PALS2: variants seen among roughly 807,000 people sequenced by gnomAD.
PALS2 encodes the protein protein PALS2.
In PALS2, 27 loss-of-function variants were observed where a neutral mutation model predicts 61.6. The ratio of observed to expected loss-of-function variants is 0.44; its 90% confidence interval spans 0.32 to 0.60. The LOEUF (loss-of-function observed/expected upper bound fraction) is 0.60. Among genes scored for constraint, PALS2 ranks in the 20% least tolerant of loss-of-function variants. The probability of loss-of-function intolerance (pLI) is 0.05; values close to 1 mark genes in which losing one functional copy is unlikely to be tolerated. For synonymous variants in PALS2, 236 were observed against 218.6 expected, an observed-to-expected ratio of 1.08 and a Z score of -0.70; for missense variants, 554 against 639.4, an observed-to-expected ratio of 0.87 and a Z score of 1.44.
intron 1 of PALS2, among the ~76,000 whole-genome samples, chr7:24,578,464 G>T (rs949642437): frequency 1.3e-5 from 2 of 152,320 alleles, no homozygotes; most frequent in Admixed American, 6.5e-5. Flanking sequence ...TTGTTATAAA[G>T]GGAATTTATC....
At chr7:24,616,467 T>C (rs181112258) in intron 1 of PALS2, among the ~76,000 whole-genome samples, 17 of 152,298 alleles carry the variant, frequency 1.1e-4, no homozygotes, top group Admixed American at 2.6e-4. Context: ...AAAGTCTGTT[T>C]TATCTGAAAT....
At chr7:24,594,579 T>C (rs1783428077) in intron 1 of PALS2, among the ~76,000 whole-genome samples, 1 of 152,118 alleles carries the variant, frequency 6.6e-6, no homozygotes, top group East Asian at 1.9e-4. Context: ...AATATCGTTA[T>C]GTCTCAGGGA....
At chr7:24,617,882 C>T (rs1056246511) in intron 1 of PALS2, among the ~76,000 whole-genome samples, 1 of 152,178 alleles carries the variant, frequency 6.6e-6, no homozygotes, top group Non-Finnish European at 1.5e-5. Context: ...GTTGGGGCCA[C>T]TGGGCTATTT....
At chr7:24,653,534 C>A (rs1786267403) in intron 5 of PALS2, among the ~76,000 whole-genome samples, 1 of 152,168 alleles carries the variant, frequency 6.6e-6, no homozygotes, top group Non-Finnish European at 1.5e-5. Context: ...TTAATTTCCA[C>A]TCACGAAATT....
intron 11 of PALS2, among the ~76,000 whole-genome samples, chr7:24,682,872 T>A (rs1788006238): frequency 6.6e-6 from 1 of 151,408 alleles, no homozygotes; most frequent in South Asian, 2.1e-4. Context: ...ATTGTATCAT[T>A]TTCCTCTATC....
intron 3 of PALS2, among the ~76,000 whole-genome samples, chr7:24,645,303 A>G (rs1464411343): frequency 6.6e-6 from 1 of 152,100 alleles, no homozygotes; most frequent in Admixed American, 6.6e-5. Flanking sequence ...GTACTATATA[A>G]AGAAGGGGCT....
chr7:24,643,987 CAATT>C lies in PALS2; in HGVS notation c.270+2120_270+2123del, dbSNP rs371807074. Among the ~76,000 whole-genome samples the C allele has an allele frequency of 4.0e-4, 61 of 152,028 alleles. 1 individual carries two copies. Among genetic ancestry groups the C allele is most frequent in the Middle Eastern group, 3.4e-3 (1 of 294 alleles). ...CTTTCTTTGATTACTGGGAAGTAAT[CAATT>C]GTGTTTTTATCTTAACATTATACAA... On this transcript the variant is annotated intron_variant, in intron 3 of 11. Coordinates refer to ENST00000222644, the MANE Select transcript of PALS2 (RefSeq NM_001303037.2).
At chr7:24,591,145 AG>A (rs1783271007) in intron 1 of PALS2, among the ~76,000 whole-genome samples, 1 of 152,126 alleles carries the variant, frequency 6.6e-6, no homozygotes, top group Admixed American at 6.6e-5. Context: ...ATGTGTGTTC[AG>A]TCTTCCACTT....
chr7:24,604,555 A>G (rs1021908511), intron 1 of PALS2, among the ~76,000 whole-genome samples: 1 of 152,188 alleles, frequency 6.6e-6, no homozygotes, highest in Non-Finnish European at 1.5e-5. Flanking sequence ...AAAGAGAGAG[A>G]CAGAAAAAAA....
chr7:24,623,352 AT>A (rs1388932241), intron 1 of PALS2, among the ~76,000 whole-genome samples: 1 of 151,854 alleles, frequency 6.6e-6, no homozygotes, highest in Non-Finnish European at 1.5e-5. Flanking sequence ...GTCTGTTTGA[AT>A]TTTCTGTTTT....
intron 9 of PALS2, among the ~76,000 whole-genome samples, chr7:24,676,135 A>G (rs528648367): frequency 2.0e-5 from 3 of 151,704 alleles, no homozygotes; most frequent in Non-Finnish European, 4.4e-5. Flanking sequence ...CATTTCTCTG[A>G]TGGCCAGTGA....
rs937260305 is a variant in PALS2, at chr7:24,690,781, A to G, written c.*3167A>G. On this transcript the variant is annotated 3_prime_UTR_variant, in exon 12 of 12. Transcript: ENST00000222644. ...GTTTATTTTGGCTAACTCTAACTAT[A>G]CAATTGCTGAACATAGCTTTCTGAA... is the stretch of plus-strand genomic sequence containing the variant. 1 of 152,242 alleles carries G rather than the reference A, an allele frequency of 6.6e-6. No homozygotes were observed. The highest frequency in any genetic ancestry group is 6.5e-5 in the Admixed American group (1 of 15,280). The allele number at this position is 152,242 out of a possible 1,614,324, so 9.4% of individuals were successfully genotyped here.
chr7:24,601,579 T>C (rs952844420), intron 1 of PALS2, among the ~76,000 whole-genome samples: 1 of 152,170 alleles, frequency 6.6e-6, no homozygotes, highest in Non-Finnish European at 1.5e-5. Context: ...TGTCTCCCTC[T>C]TTATGTTTTG....
At position 24,641,682 on chromosome 7, in the gene PALS2, G is replaced by C. The variant is rs770242291; in HGVS notation, c.118-34G>C. 12 of 1,514,006 alleles carry C rather than the reference G, an allele frequency of 7.9e-6. No individual in the cohort carries two copies. In the East Asian group the frequency reaches 1.6e-4, roughly 20 times the overall value. The allele number at this position is 1,514,006 out of a possible 1,614,324, so 93.8% of individuals were successfully genotyped here. A position where few individuals can be genotyped will look rare whatever the true frequency, so the allele number is the denominator to read the frequency against. On this transcript the variant is annotated intron_variant, in intron 2 of 11. Transcript: ENST00000222644. ...ATGGTCTGGTGCAAATAACAAATAA[G>C]TATTACTACTTTAATATACTCTTAT...
intron 1 of PALS2, among the ~76,000 whole-genome samples, chr7:24,586,468 T>A (rs371135158): frequency 1.3e-5 from 2 of 152,296 alleles, no homozygotes; most frequent in African/African-American, 4.8e-5. Flanking sequence ...GGAAAAAAAG[T>A]AGTCCTTAGA....
At chr7:24,610,495 G>A (rs1784075851) in intron 1 of PALS2, among the ~76,000 whole-genome samples, 1 of 152,106 alleles carries the variant, frequency 6.6e-6, no homozygotes, top group Admixed American at 6.6e-5. Flanking sequence ...TTAGCTGTGC[G>A]CAAAGTCCTA....
intron 1 of PALS2, among the ~76,000 whole-genome samples, chr7:24,593,598 A>C (rs975771548): frequency 1.3e-5 from 2 of 152,196 alleles, no homozygotes; most frequent in African/African-American, 4.8e-5. Context: ...ATGTTGTATT[A>C]GCAGGCATGA....
Position 24,693,507 on chromosome 7 carries a change from C to T in PALS2, c.*5893C>T, listed in dbSNP as rs1056277961. The stretch of plus-strand genomic sequence containing the variant: ...TAAAATGTGTGGTTTTCATCTTATT[C>T]TTAAATAGGAGAGGTGGACAGTAGT... On this transcript the variant is annotated 3_prime_UTR_variant, in exon 12 of 12. Coordinates refer to ENST00000222644, the MANE Select transcript of PALS2 (RefSeq NM_001303037.2). The T allele has an allele frequency of 6.6e-6, 1 of 152,076 alleles. No individual in the cohort carries two copies. The highest frequency in any genetic ancestry group is 1.5e-5 in the Non-Finnish European group (1 of 67,976). The allele number at this position is 152,076 out of a possible 1,614,324, so 9.4% of individuals were successfully genotyped here. A position where few individuals can be genotyped will look rare whatever the true frequency, so the allele number is the denominator to read the frequency against.
intron 1 of PALS2, among the ~76,000 whole-genome samples, chr7:24,609,965 C>A (rs954349129): frequency 2.0e-5 from 3 of 152,074 alleles, no homozygotes; most frequent in African/African-American, 7.2e-5. Flanking sequence ...AAATACTGAT[C>A]ATAAATTCAG....
Sources: allele counts gnomAD v4.1 joint callset (sites outside exome capture counted in the v4.1 genomes callset), GRCh38; gene constraint gnomAD v4.1.1; transcripts MANE v1.5; gene names NCBI Gene and HGNC (gene_info 2026-07-23, HGNC 2026-07-21).